DENND2A: variants seen among roughly 807,000 people sequenced by gnomAD.
The protein encoded by DENND2A is DENN domain-containing protein 2A.
Under a neutral mutation model 105.3 loss-of-function variants are expected in DENND2A, and 53 were observed. That is an observed-to-expected ratio of 0.50 (90% CI 0.40 to 0.63). The LOEUF (loss-of-function observed/expected upper bound fraction) is 0.63. Among genes scored for constraint, DENND2A ranks in the 30% least tolerant of loss-of-function variants. DENND2A has a pLI of 0.00. For synonymous variants in DENND2A, 522 were observed against 508.4 expected (o/e 1.03, Z -0.36); for missense variants, 1,138 against 1,279.6 (o/e 0.89, Z 1.69).
In DENND2A at chr7:140,629,411, G is replaced by A. The variant is rs1800654552; in HGVS notation, c.-248+11093C>T. 4.6e-5 allele frequency among the ~76,000 whole-genome samples: 7 copies of A among 152,178 alleles called. No homozygotes were observed. The South Asian group carries it at 1.5e-3, about 32-fold the overall frequency. ...AGGGAAAGTGCTCCTGAGGAGGCCA[G>A]TGCATGGAGTAAAGAACAAGGCAAA... On this transcript the variant is annotated intron_variant, in intron 1 of 19. Coordinates refer to ENST00000496613, the MANE Select transcript of DENND2A (RefSeq NM_015689.5).
chr7:140,544,496 A>G, intron 14 of DENND2A, 122 bp downstream of exon 14: 1 of 1,336,772 alleles, frequency 7.5e-7, no homozygotes, highest in Non-Finnish European at 1.1e-6. Context: ...CGCCCAGCCT[A>G]TTCCATCCTT....
In DENND2A at chr7:140,559,899, TC is replaced by T; in HGVS notation, c.1780-83del. On this transcript the variant is annotated intron_variant, in intron 9 of 19. Coordinates refer to ENST00000496613, the MANE Select transcript of DENND2A (RefSeq NM_015689.5). The surrounding 1 kb of genome is among the most constrained non-coding windows in gnomAD (Gnocchi z 4.1). ...GGCGGATGATGGTAAGGATGGCCTC[TC>T]CCACCTTTCCACATTTGTGACTGCC... 1 of 1,007,096 alleles carries T rather than the reference TC, an allele frequency of 9.9e-7. No homozygotes were observed. The highest frequency in any genetic ancestry group is 1.5e-6 in the Non-Finnish European group (1 of 645,788). The allele number at this position is 1,007,096 out of a possible 1,614,324, so 62.4% of individuals were successfully genotyped here.
intron 5 of DENND2A, among the ~76,000 whole-genome samples, chr7:140,574,608 CTAGGGGTTA>C (rs1798227775): frequency 6.6e-6 from 1 of 152,204 alleles, no homozygotes; most frequent in African/African-American, 2.4e-5. Flanking sequence ...GACACATGGA[CTAGGGGTTA>C]CAAGGCCTAA....
intron 1 of DENND2A, among the ~76,000 whole-genome samples, chr7:140,612,800 C>T (rs1276957407): frequency 6.6e-6 from 1 of 151,960 alleles, no homozygotes; most frequent in African/African-American, 2.4e-5. Flanking sequence ...CTGCGTCCAG[C>T]CCTGTTACAC....
rs368178368 is a variant in DENND2A, at chr7:140,602,161, C to G, written c.237G>C (p.Thr79=). 1,975 of 1,614,170 alleles carry G rather than the reference C, an allele frequency of 1.2e-3. 39 individuals are homozygous for G. The South Asian group carries it at 0.02, about 16-fold the overall frequency. Residue 79 remains threonine, a synonymous_variant, in exon 3 of 20, where the codon ACG becomes ACC. Transcript: ENST00000496613. ...CCCCATCACTACTCCTCCTCTCCAC[C>G]GTAGAGGACGGCAGATAATCCTCCT... is the stretch of plus-strand genomic sequence containing the variant. ...DGQEDYLPSS[T]VERRSSDGVR... is the part of the protein sequence containing the mutation.
At position 140,527,107 on chromosome 7, in the gene DENND2A, T is replaced by A. The variant is rs1031317194; in HGVS notation, c.2505+211A>T. On this transcript the variant is annotated intron_variant, in intron 15 of 19. Coordinates refer to ENST00000496613, the MANE Select transcript of DENND2A (RefSeq NM_015689.5). This position sits in a 1 kb window ranked among gnomAD's most constrained non-coding sequence, Gnocchi z 4.9. The stretch of plus-strand genomic sequence containing the variant: ...AGAGGTGCTCATACCAGGCATTTCA[T>A]TTGGAAGGGAAAACAGTGTTTGCAG... Among the ~76,000 whole-genome samples the A allele has an allele frequency of 2.0e-5, 3 of 152,156 alleles. No individual in the cohort carries two copies. Among genetic ancestry groups the A allele is most frequent in the Non-Finnish European group, 2.9e-5 (2 of 68,034 alleles).
At chr7:140,617,789 C>T (rs963802018) in intron 1 of DENND2A, among the ~76,000 whole-genome samples, 1 of 152,116 alleles carries the variant, frequency 6.6e-6, no homozygotes, top group South Asian at 2.1e-4. Context: ...CAAATGAAGC[C>T]GCTGGGAATC....
intron 1 of DENND2A, among the ~76,000 whole-genome samples, chr7:140,614,249 C>A (rs1000618684): frequency 2.0e-5 from 3 of 152,218 alleles, no homozygotes; most frequent in Admixed American, 6.6e-5. Flanking sequence ...AATTAACAGG[C>A]GTGCACCAAG....
At chr7:140,552,125 C>A (rs1020479862) in intron 12 of DENND2A, among the ~76,000 whole-genome samples, 1 of 152,172 alleles carries the variant, frequency 6.6e-6, no homozygotes, top group South Asian at 2.1e-4. Context: ...TGACCTATAA[C>A]CTTACTTCAC....
At chr7:140,633,261 C>A (rs1800799254) in intron 1 of DENND2A, among the ~76,000 whole-genome samples, 1 of 151,992 alleles carries the variant, frequency 6.6e-6, no homozygotes, top group African/African-American at 2.4e-5. Context: ...ATCTCCTGAC[C>A]TCGTGATCCA....
At chr7:140,633,028 A>ATTT (rs1181300571) in intron 1 of DENND2A, among the ~76,000 whole-genome samples, 1 of 131,342 alleles carries the variant, frequency 7.6e-6, no homozygotes, top group Non-Finnish European at 1.6e-5. Context: ...TGCCCAGCTA[A>ATTT]TTTTTTTTTT....
chr7:140,603,718 ACTAT>A (rs769271497), intron 2 of DENND2A, among the ~76,000 whole-genome samples: 25 of 152,362 alleles, frequency 1.6e-4, no homozygotes, highest in Non-Finnish European at 2.9e-4. Flanking sequence ...TTAGAAATGC[ACTAT>A]CTAATAGAGT....
intron 9 of DENND2A, among the ~76,000 whole-genome samples, chr7:140,563,474 A>G (rs1797710426): frequency 6.6e-6 from 1 of 152,224 alleles, no homozygotes; most frequent in Non-Finnish European, 1.5e-5. Context: ...ATTTTAATGG[A>G]ACATTAGCAT....
chr7:140,547,581 C>G (rs1177271468), intron 12 of DENND2A, among the ~76,000 whole-genome samples: 1 of 152,136 alleles, frequency 6.6e-6, no homozygotes, highest in Middle Eastern at 3.2e-3. Flanking sequence ...GGTAGTTCCT[C>G]AAAAGGTTAA....
At chr7:140,526,238 C>G (rs6952208) in intron 15 of DENND2A, among the ~76,000 whole-genome samples, 12,787 of 152,228 alleles carry the variant, frequency 0.084, 574 homozygotes, top group African/African-American at 0.11. Flanking sequence ...AACCCACCTG[C>G]AGACTCGGTT....
chr7:140,614,032 G>C (rs541399284), intron 1 of DENND2A, among the ~76,000 whole-genome samples: 1 of 152,124 alleles, frequency 6.6e-6, no homozygotes, highest in Non-Finnish European at 1.5e-5. Context: ...CCTGCTCACT[G>C]TTTCCCTTTT....
chr7:140,569,169 C>T (rs147895470), intron 7 of DENND2A, among the ~76,000 whole-genome samples: 3 of 152,320 alleles, frequency 2.0e-5, no homozygotes, highest in East Asian at 1.9e-4. Context: ...CAGGTAGATC[C>T]GCCTGTCTCA....
At chr7:140,550,274 C>T (rs549119686) in intron 12 of DENND2A, among the ~76,000 whole-genome samples, 4 of 152,108 alleles carry the variant, frequency 2.6e-5, no homozygotes, top group Non-Finnish European at 5.9e-5. Context: ...CTCACTGCAA[C>T]GTCTGCCTCT....
chr7:140,546,290 C>T (rs1796900477), intron 13 of DENND2A, among the ~76,000 whole-genome samples: 1 of 152,002 alleles, frequency 6.6e-6, no homozygotes, highest in Admixed American at 6.6e-5. Flanking sequence ...TGGCAGCAGG[C>T]ACCTGTAGTC....
Sources: allele counts gnomAD v4.1 joint callset (sites outside exome capture counted in the v4.1 genomes callset), GRCh38; gene constraint gnomAD v4.1.1; non-coding constraint Gnocchi (gnomAD v3.1); transcripts MANE v1.5; gene names NCBI Gene and HGNC (gene_info 2026-07-23, HGNC 2026-07-21).